The following IAH1 variants were observed in gnomAD, a reference collection of about 807,000 sequenced individuals.
IAH1 encodes the protein isoamyl acetate-hydrolyzing esterase 1 homolog.
Under a neutral mutation model 26.7 loss-of-function variants are expected in IAH1, and 24 were observed. The observed-to-expected ratio is 0.90, with a 90% confidence interval of 0.65 to 1.26. The LOEUF (loss-of-function observed/expected upper bound fraction) is 1.26, where lower values mean the gene tolerates loss of function less well. IAH1 is among the 50% of genes most tolerant of loss of function. IAH1 has a pLI of 0.00. For synonymous variants in IAH1, 140 were observed against 118.5 expected (o/e 1.18, Z -1.18); for missense variants, 300 against 299.9 (o/e 1.00, Z 0.00).
At chr2:9,486,545 A>C (rs894654793) in intron 5 of IAH1, 1 of 152,184 alleles carries the variant, frequency 6.6e-6, no homozygotes, top group Admixed American at 6.5e-5. Flanking sequence ...AAGTCACATA[A>C]GGCCGGGCGC....
chr2:9,475,319 T>G, intron 1 of IAH1: 1 of 703,054 alleles, frequency 1.4e-6, no homozygotes. Flanking sequence ...CAGTAACTGG[T>G]AACATTATGT....
At chr2:9,481,474 A>C (rs1382460416) in intron 4 of IAH1, 27 bp downstream of exon 4, 1 of 1,612,282 alleles carries the variant, frequency 6.2e-7, no homozygotes, top group South Asian at 1.1e-5. Context: ...CAATCTCGGC[A>C]AATCTGGATA....
At chr2:9,482,662 G>GT (rs1209877278) in intron 4 of IAH1, among the ~76,000 whole-genome samples, 2 of 152,196 alleles carry the variant, frequency 1.3e-5, no homozygotes, top group Non-Finnish European at 2.9e-5. Flanking sequence ...CCTTACTGTT[G>GT]TATGAGTTTA....
chr2:9,493,769 G>A (rs1662345384), downstream of IAH1: 3 of 1,613,976 alleles, frequency 1.9e-6, no homozygotes, highest in Non-Finnish European at 1.7e-6. Context: ...TGCTCAGCTG[G>A]TCAATGAAAT....
rs1283317580 is a variant in IAH1, at chr2:9,488,180, T to G, written c.598T>G (p.Leu200Val). The change falls in exon 6 of 6, where the codon TTG (leucine) becomes GTG (valine). Residue 200 changes from leucine (L) to valine (V), a missense_variant. Transcript: ENST00000497473. Reference protein sequence around the residue: ...FSSYLSDGLHLSPKGNEFLFS... With the variant: ...FSSYLSDGLHVSPKGNEFLFS... ...ATCTTATTTATCAGATGGACTACAT[T>G]TGTCTCCAAAGGGGAATGAATTTTT... 2 of 1,611,828 alleles carry G rather than the reference T, an allele frequency of 1.2e-6. No homozygotes were observed. The highest frequency in any genetic ancestry group is 1.7e-6 in the Non-Finnish European group (2 of 1,179,412).
chr2:9,489,259 ATTTTTTTTTTT>A lies in IAH1; in HGVS notation c.*944_*954del, dbSNP rs34525911. The A allele has an allele frequency of 1.1e-5, 1 of 87,410 alleles. No homozygotes were observed. Among genetic ancestry groups the A allele is most frequent in the Non-Finnish European group, 2.0e-5 (1 of 49,376 alleles). 5.4% of individuals were successfully genotyped at this position (87,410 alleles called of 1,614,324 possible). A position where few individuals can be genotyped will look rare whatever the true frequency, so the allele number is the denominator to read the frequency against. On this transcript the variant is annotated 3_prime_UTR_variant, in exon 6 of 6. Transcript: ENST00000497473. Reference sequence around the variant, plus strand: ...AATATTCTAGGTTTGTAGATAGTGAATTTTTTTTTTTTTTTTTTTTTTTTGAGGCAGAGTCT... The same window carrying A: ...AATATTCTAGGTTTGTAGATAGTGAATTTTTTTTTTTTTGAGGCAGAGTCT...
Position 9,488,498 on chromosome 2 carries a change from A to C in IAH1, c.*169A>C, listed in dbSNP as rs1661770202. The C allele has an allele frequency of 2.0e-6, 1 of 499,388 alleles. No individual in the cohort carries two copies. Among genetic ancestry groups the C allele is most frequent in the Non-Finnish European group, 3.5e-6 (1 of 288,902 alleles). The allele number at this position is 499,388 out of a possible 1,614,324, so 30.9% of individuals were successfully genotyped here. A position where few individuals can be genotyped will look rare whatever the true frequency, so the allele number is the denominator to read the frequency against. ...ATACTTAGGTCCATTGTGTTTCGAC[A>C]GTATTTATTAATGCAGATATCAGTG... On this transcript the variant is annotated 3_prime_UTR_variant, in exon 6 of 6. Transcript: ENST00000497473.
intron 4 of IAH1, among the ~76,000 whole-genome samples, chr2:9,481,866 T>G (rs774942354): frequency 1.2e-4 from 18 of 151,572 alleles, no homozygotes; most frequent in Admixed American, 6.6e-4. Flanking sequence ...CAGATAGGAG[T>G]CGCCAGCACT....
intron 3 of IAH1, among the ~76,000 whole-genome samples, chr2:9,479,971 G>A (rs954311424): frequency 4.0e-5 from 6 of 151,852 alleles, no homozygotes; most frequent in African/African-American, 1.5e-4. Context: ...ACCACGCCTG[G>A]CTAATTTTTG....
intron 6 of IAH1, among the ~76,000 whole-genome samples, chr2:9,495,341 G>A (rs1662493647): frequency 6.6e-6 from 1 of 152,228 alleles, no homozygotes; most frequent in Non-Finnish European, 1.5e-5. Context: ...CATAAGAATG[G>A]CAGAAATGCC....
the IAH1 span, chr2:9,510,168 A>T: frequency 6.2e-7 from 1 of 1,610,788 alleles, no homozygotes; most frequent in East Asian, 2.2e-5. Context: ...ATTTCTCAAT[A>T]TCCAGCCATC....
rs138868847 is a variant in IAH1, at chr2:9,487,833, T to TGC, written c.565-297_565-296dup. On this transcript the variant is annotated intron_variant, in intron 5 of 5. Coordinates refer to ENST00000497473, the MANE Select transcript of IAH1 (RefSeq NM_001039613.3). ...GTGTGTGTGTGTGTGTGTGTGTGTG[T>TGC]GCGCGCGCGCGCGCGCGCTGTGGGG... Among the ~76,000 whole-genome samples the TGC allele has an allele frequency of 6.6e-3, 547 of 82,708 alleles. 7 individuals are homozygous for TGC. Among genetic ancestry groups the TGC allele is most frequent in the East Asian group, 0.012 (34 of 2,826 alleles). 54.3% of individuals were successfully genotyped at this position (82,708 alleles called of 152,430 possible).
At chr2:9,494,808 G>C (rs1572881221) in exon 6 of IAH1, 1 of 1,607,248 alleles carries the variant, frequency 6.2e-7, no homozygotes, top group East Asian at 2.2e-5. Context: ...ATTGTTCTGA[G>C]ACCTGCCTCT....
At chr2:9,497,865 T>C (rs1413693062), downstream of IAH1, among the ~76,000 whole-genome samples, 3 of 152,116 alleles carry the variant, frequency 2.0e-5, no homozygotes, top group African/African-American at 4.8e-5. Flanking sequence ...CTCTCCTTCA[T>C]TGCATATGTT....
chr2:9,491,026 G>C, downstream of IAH1: 2 of 1,335,900 alleles, frequency 1.5e-6, no homozygotes, highest in South Asian at 2.5e-5. Context: ...GCTCTTGCTG[G>C]GTCAGGTGAA....
chr2:9,495,584 C>G (rs1662513141), intron 6 of IAH1, among the ~76,000 whole-genome samples: 1 of 151,896 alleles, frequency 6.6e-6, no homozygotes, highest in Non-Finnish European at 1.5e-5. Flanking sequence ...TGTGGTGGTG[C>G]TTGCCTGTAG....
chr2:9,497,369 C>G (rs1274562924), downstream of IAH1: 34 of 1,292,624 alleles, frequency 2.6e-5, no homozygotes, highest in Non-Finnish European at 3.6e-5. Flanking sequence ...AAAAAGTGAC[C>G]TACAGAGCTA....
chr2:9,477,920 T>C (rs1660920319), intron 2 of IAH1, among the ~76,000 whole-genome samples: 1 of 152,306 alleles, frequency 6.6e-6, no homozygotes, highest in East Asian at 1.9e-4. Flanking sequence ...GTGAACTCCA[T>C]TTTAAAAGCA....
chr2:9,491,710 T>A (rs1662167220), downstream of IAH1, among the ~76,000 whole-genome samples: 1 of 152,236 alleles, frequency 6.6e-6, no homozygotes, highest in African/African-American at 2.4e-5. Flanking sequence ...GCCCCATCCC[T>A]GCCTGTGGCT....
Sources: gnomAD v4.1 joint callset for allele counts (sites outside exome capture counted in the v4.1 genomes callset) on GRCh38, gnomAD v4.1.1 for gene constraint, MANE v1.5 for transcripts, NCBI Gene and HGNC (gene_info 2026-07-23, HGNC 2026-07-21) for gene names.